The following MYOM1 variants were observed in gnomAD, a reference collection of about 807,000 sequenced individuals.
MYOM1 encodes myomesin 1, also known as myomesin-1.
In MYOM1, 164 loss-of-function variants were observed where a neutral mutation model predicts 205.3. That is an observed-to-expected ratio of 0.80 (90% CI 0.70 to 0.91). The LOEUF (loss-of-function observed/expected upper bound fraction) is 0.91. Among genes scored for constraint, MYOM1 ranks in the 40% least tolerant of loss-of-function variants. The pLI, the probability that MYOM1 is intolerant of heterozygous loss-of-function variation, is 0.00. For missense variants in MYOM1, 2,011 were observed against 2,127.3 expected, an observed-to-expected ratio of 0.95 and a Z score of 1.08; for synonymous variants, 772 against 789.4, an observed-to-expected ratio of 0.98 and a Z score of 0.37.
At position 3,096,247 on chromosome 18, in the gene MYOM1, T is replaced by A. The variant is rs527777762; in HGVS notation, c.3728-1941A>T. Among the ~76,000 whole-genome samples the A allele has an allele frequency of 6.6e-5, 10 of 152,258 alleles. No homozygotes were observed. The East Asian group carries it at 1.4e-3, about 21-fold the overall frequency. ...TTGCAAATGATCTAGTTACTTAACCTCTCTGGGCCTCATGTTCTTCCCCTC... is the reference window on the plus strand; with the variant it reads ...TTGCAAATGATCTAGTTACTTAACCACTCTGGGCCTCATGTTCTTCCCCTC... On this transcript the variant is annotated intron_variant, in intron 25 of 37. Coordinates refer to ENST00000356443, the MANE Select transcript of MYOM1 (RefSeq NM_003803.4).
At chr18:3,127,839 A>G (rs1598701782) in intron 18 of MYOM1, among the ~76,000 whole-genome samples, 1 of 152,196 alleles carries the variant, frequency 6.6e-6, no homozygotes, top group Non-Finnish European at 1.5e-5. Context: ...CTGATGTTGG[A>G]ATATTTTTCA....
chr18:3,100,756 C>T (rs946290284), intron 23 of MYOM1, among the ~76,000 whole-genome samples: 6 of 152,186 alleles, frequency 3.9e-5, no homozygotes, highest in African/African-American at 1.2e-4. Flanking sequence ...ACACTTCCCC[C>T]GCCAAGGGCA....
rs1184466103 is a variant in MYOM1 at position 3,126,811 on chromosome 18, C to T, written c.2881G>A (p.Gly961Arg). Residue 961 changes from glycine to arginine, a missense_variant, in exon 19 of 38, where the codon GGA becomes AGA. Physicochemically the swap from Gly to Arg is moderately radical, Grantham distance 125. Coordinates refer to ENST00000356443, the MANE Select transcript of MYOM1 (RefSeq NM_003803.4). Reference protein sequence around the residue: ...VLGWKQPDKIGGAEITGYYVN... With the variant: ...VLGWKQPDKIRGAEITGYYVN... ...TAATAGCCAGTAATTTCTGCCCCTC[C>T]AATCTTATCTGGTTGCTTCCATCCA... 6.2e-7 allele frequency: 1 copy of T among 1,613,694 alleles called. No individual in the cohort carries two copies. The highest frequency in any genetic ancestry group is 1.7e-5 in the Admixed American group (1 of 59,980).
rs1019107507 is a variant in MYOM1 at position 3,135,018 on chromosome 18, G to A, written c.2210-194C>T. ...GGCTGGAGAGCAGTGGCGGGATCTCGGCTCACTGCAGCCCCCACCTCCTGG... is the reference window on the plus strand; with the variant it reads ...GGCTGGAGAGCAGTGGCGGGATCTCAGCTCACTGCAGCCCCCACCTCCTGG... On this transcript the variant is annotated intron_variant, in intron 15 of 37. Transcript: ENST00000356443. This position sits in a 1 kb window ranked among gnomAD's most constrained non-coding sequence, Gnocchi z 4.1. The A allele has an allele frequency of 5.8e-5, 31 of 535,050 alleles. No individual in the cohort carries two copies. The highest frequency in any genetic ancestry group is 9.9e-5 in the Non-Finnish European group (30 of 303,520). 33.1% of individuals were successfully genotyped at this position (535,050 alleles called of 1,614,324 possible). A position where few individuals can be genotyped will look rare whatever the true frequency, so the allele number is the denominator to read the frequency against.
intron 25 of MYOM1, 66 bp from the exon 26 acceptor site, chr18:3,094,372 A>T: frequency 8.2e-7 from 1 of 1,219,000 alleles, no homozygotes; most frequent in Non-Finnish European, 1.1e-6. Context: ...CTCATTTTCC[A>T]TCAAGTGAAA....
At chr18:3,124,557 C>T (rs903568556) in intron 19 of MYOM1, among the ~76,000 whole-genome samples, 2 of 151,672 alleles carry the variant, frequency 1.3e-5, no homozygotes, top group Non-Finnish European at 2.9e-5. Context: ...TCTCGATCTC[C>T]TGACCTCATG....
the MYOM1 span, among the ~76,000 whole-genome samples, chr18:3,239,094 A>C: frequency 6.6e-6 from 1 of 152,240 alleles, no homozygotes; most frequent in Admixed American, 6.5e-5. Flanking sequence ...GGACAGGGAT[A>C]TCTTTTGGGG....
intron 2 of MYOM1, among the ~76,000 whole-genome samples, chr18:3,212,369 A>G (rs773471975): frequency 9.8e-5 from 15 of 152,336 alleles, no homozygotes; most frequent in Middle Eastern, 3.4e-3. Flanking sequence ...GCCAAAATGG[A>G]TAAGTCTTCC....
chr18:3,234,820 T>C, the MYOM1 span, among the ~76,000 whole-genome samples: 2 of 152,302 alleles, frequency 1.3e-5, no homozygotes, highest in Admixed American at 6.5e-5. Flanking sequence ...ACAGATTTTA[T>C]ATATTTTATT....
Position 3,102,557 on chromosome 18 carries a change from A to T in MYOM1, c.3492T>A (p.Thr1164=). The T allele has an allele frequency of 6.2e-7, 1 of 1,613,920 alleles. No homozygotes were observed. The highest frequency in any genetic ancestry group is 8.5e-7 in the Non-Finnish European group (1 of 1,179,864). The change falls in exon 23 of 38, where the codon ACT becomes ACA. Residue 1164 remains threonine (T), a synonymous_variant. Coordinates refer to ENST00000356443, the MANE Select transcript of MYOM1 (RefSeq NM_003803.4). ...TGGACCAGGAGAACTCGGACTTTGG[A>T]GTCATCTTATCACACTCGAAGTTCA... ...ISLNFECDKM[T]PKSEFSWSKD... is the part of the protein sequence containing the mutation.
upstream of MYOM1, among the ~76,000 whole-genome samples, chr18:3,224,653 G>T (rs1030049225): frequency 6.6e-6 from 1 of 151,564 alleles, no homozygotes; most frequent in East Asian, 1.9e-4. Context: ...TTATGGAAAT[G>T]GAATTATCAT....
chr18:3,193,036 A>G (rs1598758199), intron 3 of MYOM1, among the ~76,000 whole-genome samples: 1 of 152,056 alleles, frequency 6.6e-6, no homozygotes, highest in Non-Finnish European at 1.5e-5. Flanking sequence ...TGGGAGGCCA[A>G]GCAGGGAAGA....
the MYOM1 span, among the ~76,000 whole-genome samples, chr18:3,239,240 C>T: frequency 6.6e-6 from 1 of 152,108 alleles, no homozygotes; most frequent in Non-Finnish European, 1.5e-5. Flanking sequence ...GAGGAGCTGG[C>T]TTTCTATAGG....
In MYOM1 at chr18:3,187,640, G is replaced by T; in HGVS notation, c.772-3C>A. ...TGATATGTCTCGGTTTCTTCTAACT[G>T]AAAAAACAAATATGCAAACAAACAT... is the stretch of plus-strand genomic sequence containing the variant. On this transcript the variant is annotated splice_polypyrimidine_tract_variant and splice_region_variant and intron_variant, in intron 4 of 37. Transcript: ENST00000356443. The T allele has an allele frequency of 6.3e-7, 1 of 1,577,522 alleles. No individual in the cohort carries two copies. Among genetic ancestry groups the T allele is most frequent in the South Asian group, 1.2e-5 (1 of 86,624 alleles).
In MYOM1 at chr18:3,134,715, T is replaced by C. The variant is rs756315793; in HGVS notation, c.2319A>G (p.Ile773Met). Residue 773 changes from isoleucine to methionine, a missense_variant, in exon 16 of 38, where the codon ATA (isoleucine) becomes ATG (methionine). Physicochemically the swap from Ile to Met is conservative, Grantham distance 10 (BLOSUM62 1). Transcript: ENST00000356443. ...KDAKELVGYY[I>M]EASVAGSGKW... ...TGCCAGAGCCAGCAACGCTCGCCTC[T>C]ATGTAGTACCCGACCAGCTCTTTGG... The C allele has an allele frequency of 6.2e-7, 1 of 1,613,976 alleles. No homozygotes were observed. Among genetic ancestry groups the C allele is most frequent in the Non-Finnish European group, 8.5e-7 (1 of 1,179,882 alleles).
intron 26 of MYOM1, among the ~76,000 whole-genome samples, chr18:3,093,859 G>T (rs2079261340): frequency 6.6e-6 from 1 of 152,092 alleles, no homozygotes; most frequent in South Asian, 2.1e-4. Flanking sequence ...TCAGGGTAGG[G>T]TATGGGCTCC....
intron 36 of MYOM1, among the ~76,000 whole-genome samples, chr18:3,072,334 G>C (rs915567588): frequency 7.6e-6 from 1 of 131,690 alleles, no homozygotes; most frequent in Non-Finnish European, 1.5e-5. Context: ...CAGCAGGCGT[G>C]AGCCACCGCA....
intron 2 of MYOM1, among the ~76,000 whole-genome samples, chr18:3,205,468 G>A (rs2081114438): frequency 2.0e-5 from 3 of 152,064 alleles, no homozygotes; most frequent in African/African-American, 4.8e-5. Context: ...AAAAAAGATG[G>A]TTAACAAAAT....
chr18:3,086,117 C>T lies in MYOM1; in HGVS notation c.4172G>A (p.Trp1391Ter). The T allele has an allele frequency of 1.2e-6, 2 of 1,610,324 alleles. No homozygotes were observed. The highest frequency in any genetic ancestry group is 1.7e-6 in the Non-Finnish European group (2 of 1,178,294). The change falls in exon 30 of 38, where the codon TGG (tryptophan) becomes TAG (stop). Residue 1391 changes from tryptophan to a stop codon, truncating the protein, a stop_gained. Coordinates refer to ENST00000356443, the MANE Select transcript of MYOM1 (RefSeq NM_003803.4). LOFTEE classifies it high-confidence loss of function. Reference protein sequence around the residue: ...ANIKKETHIVWYKDEREISVD... With the variant: ...ANIKKETHIV The stretch of plus-strand genomic sequence containing the variant: ...TGATATCTCCCTCTCATCTTTGTAC[C>T]ACACAATATGAGTCTCCTTCTTAAT...
Sources: allele counts gnomAD v4.1 joint callset (sites outside exome capture counted in the v4.1 genomes callset), GRCh38; gene constraint gnomAD v4.1.1; non-coding constraint Gnocchi (gnomAD v3.1); transcripts MANE v1.5; gene names NCBI Gene and HGNC (gene_info 2026-07-23, HGNC 2026-07-21).